The following ABCA13 variants were observed in gnomAD, a reference collection of about 807,000 sequenced individuals.
The protein encoded by ABCA13 is ATP-binding cassette sub-family A member 13.
In ABCA13, 476 loss-of-function variants were observed where a neutral mutation model predicts 478.7. The observed-to-expected ratio is 0.99, with a 90% CI of 0.92 to 1.07. The LOEUF is 1.07. Ranked by LOEUF, ABCA13 falls within the 50% of genes least tolerant of loss-of-function variation. The pLI is 0.00. For missense variants in ABCA13, 6,060 were observed against 5,910.6 expected, an observed-to-expected ratio of 1.03 and a Z score of -0.83; for synonymous variants, 2,252 against 2,158.9, an observed-to-expected ratio of 1.04 and a Z score of -1.20.
intron 58 of ABCA13, among the ~76,000 whole-genome samples, chr7:48,613,674 T>C (rs1173273809): frequency 2.0e-5 from 3 of 151,076 alleles, no homozygotes; most frequent in Non-Finnish European, 4.4e-5. Context: ...ATTTTAGTTG[T>C]ATAGAAAATA....
chr7:48,524,177 C>T, intron 53 of ABCA13, 71 bp from the exon 54 acceptor site: 2 of 1,412,750 alleles, frequency 1.4e-6, no homozygotes, highest in Admixed American at 2.5e-5. Flanking sequence ...AATCTCTGAC[C>T]TTTTTGCCTC....
chr7:48,357,380 G>A (rs983416325), intron 31 of ABCA13, among the ~76,000 whole-genome samples: 1 of 151,866 alleles, frequency 6.6e-6, no homozygotes, highest in Non-Finnish European at 1.5e-5. Context: ...TCTGTTGCCC[G>A]CAGGCTCTGT....
At chr7:48,619,398 T>G (rs1026624477) in intron 59 of ABCA13, among the ~76,000 whole-genome samples, 9 of 152,288 alleles carry the variant, frequency 5.9e-5, no homozygotes, top group African/African-American at 2.2e-4. Context: ...TTATGTTAAC[T>G]GTGATGTTGT....
intron 1 of ABCA13, among the ~76,000 whole-genome samples, chr7:48,183,102 G>A (rs1795909823): frequency 6.6e-6 from 1 of 152,054 alleles, no homozygotes; most frequent in African/African-American, 2.4e-5. Context: ...TAGCTTCCTG[G>A]ATATTCTAAA....
At chr7:48,629,469 C>T (rs1321931809) in intron 59 of ABCA13, among the ~76,000 whole-genome samples, 1 of 151,038 alleles carries the variant, frequency 6.6e-6, no homozygotes, top group Non-Finnish European at 1.5e-5. Flanking sequence ...TTTTTAAATG[C>T]ACCAGCCCAC....
chr7:48,374,998 C>T (rs1813234162), intron 34 of ABCA13, among the ~76,000 whole-genome samples: 2 of 152,148 alleles, frequency 1.3e-5, no homozygotes, highest in African/African-American at 4.8e-5. Flanking sequence ...CTGCATGTTC[C>T]TTATGAGAAT....
chr7:48,396,994 C>T (rs1262403990), intron 38 of ABCA13, among the ~76,000 whole-genome samples: 16 of 152,314 alleles, frequency 1.1e-4, no homozygotes, highest in South Asian at 2.1e-4. Context: ...ACACAGAATA[C>T]GGTAGAGGCT....
At chr7:48,395,904 TAC>T (rs1337260394) in intron 38 of ABCA13, among the ~76,000 whole-genome samples, 1 of 152,210 alleles carries the variant, frequency 6.6e-6, no homozygotes, top group Non-Finnish European at 1.5e-5. Flanking sequence ...TTTGACTGTG[TAC>T]AGTGTGGTGC....
At position 48,313,063 on chromosome 7, in the gene ABCA13, T is replaced by C. The variant is rs370977798; in HGVS notation, c.9517-4T>C. Reference sequence around the variant, plus strand: ...TGTTGTTTTGTTTTTGTTTTGTCCTTTAGACTCTGATGCCTTCTGAAGCAA... The same window carrying C: ...TGTTGTTTTGTTTTTGTTTTGTCCTCTAGACTCTGATGCCTTCTGAAGCAA... On this transcript the variant is annotated splice_polypyrimidine_tract_variant and splice_region_variant and intron_variant, in intron 24 of 61. Transcript: ENST00000435803. The C allele has an allele frequency of 6.4e-7, 1 of 1,567,306 alleles. No individual in the cohort carries two copies. The highest frequency in any genetic ancestry group is 8.6e-7 in the Non-Finnish European group (1 of 1,156,962).
At chr7:48,625,385 C>A (rs2131611394) in intron 59 of ABCA13, among the ~76,000 whole-genome samples, 1 of 152,330 alleles carries the variant, frequency 6.6e-6, no homozygotes, top group Middle Eastern at 3.4e-3. Flanking sequence ...AAAATAATTT[C>A]TGCCATGATG....
In ABCA13 at chr7:48,278,821, C is replaced by G; in HGVS notation, c.7627C>G (p.His2543Asp). Residue 2543 changes from histidine to aspartate, a missense_variant, in exon 18 of 62, where the codon CAT becomes GAT. His to Asp is a moderately conservative substitution (Grantham distance 81). Around this residue, in one of 3 missense-constraint regions of ABCA13, gnomAD observed 4,423 missense variants for 4,309.1 expected, o/e 1.03. Transcript: ENST00000435803. ...SGKMSTVFKT[H>D]FISNTKDSVK... ...GAAGATGTCCACAGTTTTTAAAACT[C>G]ATTTTATCTCCAATACCAAGGACAG... is the stretch of plus-strand genomic sequence containing the variant. The G allele has an allele frequency of 1.9e-6, 3 of 1,613,796 alleles. No homozygotes were observed. Among genetic ancestry groups the G allele is most frequent in the Non-Finnish European group, 2.5e-6 (3 of 1,179,886 alleles).
At chr7:48,460,795 A>T (rs1826162385) in intron 43 of ABCA13, among the ~76,000 whole-genome samples, 1 of 152,212 alleles carries the variant, frequency 6.6e-6, no homozygotes, top group Non-Finnish European at 1.5e-5. Context: ...AACAGAAATT[A>T]AATTAACTGA....
chr7:48,538,100 C>CTTTTT (rs574241927), intron 55 of ABCA13, among the ~76,000 whole-genome samples: 1 of 113,420 alleles, frequency 8.8e-6, no homozygotes, highest in African/African-American at 3.4e-5. Context: ...TCTTTCTTTC[C>CTTTTT]TTTTTTTTTT....
intron 15 of ABCA13, among the ~76,000 whole-genome samples, chr7:48,252,554 A>G (rs1490216724): frequency 6.6e-6 from 1 of 152,186 alleles, no homozygotes; most frequent in Non-Finnish European, 1.5e-5. Context: ...GATAGTAAGT[A>G]TTTGTGTATT....
chr7:48,257,844 C>T (rs1008668601), intron 15 of ABCA13, among the ~76,000 whole-genome samples: 1 of 152,142 alleles, frequency 6.6e-6, no homozygotes, highest in Non-Finnish European at 1.5e-5. Context: ...AGGGGTCCCT[C>T]CTCTGCAATT....
intron 55 of ABCA13, among the ~76,000 whole-genome samples, chr7:48,537,538 G>A (rs957302964): frequency 6.6e-6 from 1 of 152,140 alleles, no homozygotes; most frequent in Non-Finnish European, 1.5e-5. Context: ...GACGCAGGTA[G>A]CCCCTACTGC....
chr7:48,396,715 A>C (rs1391152286), intron 38 of ABCA13, among the ~76,000 whole-genome samples: 3 of 152,186 alleles, frequency 2.0e-5, no homozygotes, highest in African/African-American at 7.2e-5. Flanking sequence ...ATTTGTTAAC[A>C]GTTGCTCTCC....
chr7:48,618,671 G>T (rs1355182842), intron 59 of ABCA13, among the ~76,000 whole-genome samples: 1 of 152,114 alleles, frequency 6.6e-6, no homozygotes, highest in Non-Finnish European at 1.5e-5. Context: ...GCAGGCCTAG[G>T]ATCTGCTACT....
intron 3 of ABCA13, among the ~76,000 whole-genome samples, chr7:48,210,188 CAT>C (rs1785442403): frequency 6.6e-6 from 1 of 152,134 alleles, no homozygotes; most frequent in Admixed American, 6.6e-5. Flanking sequence ...GGGAAGCAAA[CAT>C]GTTCTTCACA....
Sources: allele counts gnomAD v4.1 joint callset (sites outside exome capture counted in the v4.1 genomes callset), GRCh38; gene constraint gnomAD v4.1.1; regional missense constraint gnomAD v4.1.1; transcripts MANE v1.5; gene names NCBI Gene and HGNC (gene_info 2026-07-23, HGNC 2026-07-21).